The following KIF26A variants were observed in gnomAD, a reference collection of about 807,000 sequenced individuals.
The protein encoded by KIF26A is kinesin-like protein KIF26A.
Under a neutral mutation model 126.0 loss-of-function variants are expected in KIF26A, and 74 were observed. The observed-to-expected ratio is 0.59, with a 90% CI of 0.49 to 0.71. KIF26A has a LOEUF of 0.71. Ranked by LOEUF, KIF26A falls within the 30% of genes least tolerant of loss-of-function variation. The pLI is 0.00. For missense variants in KIF26A, 2,984 were observed against 2,763.3 expected (o/e 1.08, Z -1.79); for synonymous variants, 1,445 against 1,232.7 (o/e 1.17, Z -3.61).
At chr14:104,177,982 A>G in intron 12 of KIF26A, 84 bp downstream of exon 12, 1 of 1,353,292 alleles carries the variant, frequency 7.4e-7, no homozygotes, top group Non-Finnish European at 9.6e-7. Context: ...TTACAGGGCC[A>G]GGAGATGCTG....
chr14:104,142,450 G>A (rs2037646144), intron 2 of KIF26A, among the ~76,000 whole-genome samples: 1 of 152,022 alleles, frequency 6.6e-6, no homozygotes, highest in Admixed American at 6.5e-5. Context: ...GCCTCCTGTG[G>A]CCTCCAGGGA....
chr14:104,167,394 C>T (rs2037917350), intron 5 of KIF26A, among the ~76,000 whole-genome samples: 1 of 152,088 alleles, frequency 6.6e-6, no homozygotes, highest in Non-Finnish European at 1.5e-5. Flanking sequence ...TGAGACGCAG[C>T]CCTGAGGGGG....
Position 104,178,732 on chromosome 14 carries a change from AC to A in KIF26A, c.5297del (p.Pro1766ArgfsTer47). On this transcript the variant is annotated frameshift_variant, in exon 13 of 15. Coordinates refer to ENST00000423312, the MANE Select transcript of KIF26A (RefSeq NM_015656.2). LOFTEE classifies it high-confidence loss of function. The stretch of plus-strand genomic sequence containing the variant: ...GGAGCGCCTTCAGCGGCCCCGCCCC[AC>A]CCCGAGGGAGGCCCCCACCCAGGTA... ...DVERLQRPRP[T>X]PREAPTQGLA... The A allele has an allele frequency of 6.5e-7, 1 of 1,543,464 alleles. No individual in the cohort carries two copies. The highest frequency in any genetic ancestry group is 8.8e-7 in the Non-Finnish European group (1 of 1,141,194).
chr14:104,179,457 G>T lies in KIF26A; in HGVS notation c.5467+71G>T, dbSNP rs893961571. 6.9e-6 allele frequency: 10 copies of T among 1,441,000 alleles called. No homozygotes were observed. In the African/African-American group the frequency reaches 1.3e-4, roughly 19 times the overall value. 89.3% of individuals were successfully genotyped at this position (1,441,000 alleles called of 1,614,324 possible). ...CTGACAGCTGCCCTCCCCTCCCAGA[G>T]CCCTGTTGCTCTCCTGTACCTCGTG... On this transcript the variant is annotated intron_variant, in intron 14 of 14. Transcript: ENST00000423312.
chr14:104,175,790 G>A lies in KIF26A; in HGVS notation c.3002G>A (p.Arg1001His), dbSNP rs1040626278. Reference sequence around the variant, plus strand: ...ATGCTTCCTGGGGCCACCTGCCCCCGCCTGGCTGCTGGCAGTCGCTGTCCG... The same window carrying A: ...ATGCTTCCTGGGGCCACCTGCCCCCACCTGGCTGCTGGCAGTCGCTGTCCG... ...SPMLPGATCP[R>H]LAAGSRCPER... is the part of the protein sequence containing the mutation. Residue 1001 changes from arginine to histidine, a missense_variant, in exon 12 of 15, where the codon CGC becomes CAC. Arg to His is a conservative substitution (Grantham distance 29, BLOSUM62 0). Coordinates refer to ENST00000423312, the MANE Select transcript of KIF26A (RefSeq NM_015656.2). The A allele has an allele frequency of 1.9e-6, 3 of 1,539,356 alleles. No homozygotes were observed. Among genetic ancestry groups the A allele is most frequent in the African/African-American group, 2.7e-5 (2 of 73,070 alleles).
chr14:104,176,645 G>T lies in KIF26A; in HGVS notation c.3857G>T (p.Gly1286Val). 6.2e-7 allele frequency: 1 copy of T among 1,602,846 alleles called. No homozygotes were observed. Among genetic ancestry groups the T allele is most frequent in the Non-Finnish European group, 8.5e-7 (1 of 1,174,620 alleles). The change falls in exon 12 of 15, where the codon GGG becomes GTG. Residue 1286 changes from glycine (G) to valine (V), a missense_variant. Transcript: ENST00000423312. The part of the protein sequence containing the change: ...MLACAQRVVD[G>V]CEVAARAARR... ...GCCTGTGCCCAGAGAGTGGTGGACG[G>T]GTGTGAGGTGGCAGCCAGGGCGGCC...
intron 2 of KIF26A, among the ~76,000 whole-genome samples, chr14:104,140,296 G>A (rs551784907): frequency 6.6e-6 from 1 of 152,224 alleles, no homozygotes; most frequent in African/African-American, 2.4e-5. Flanking sequence ...CAGGCCAGGC[G>A]CCTGTGGGCC....
intron 2 of KIF26A, among the ~76,000 whole-genome samples, chr14:104,147,519 C>T (rs1462879201): frequency 6.6e-6 from 1 of 152,100 alleles, no homozygotes; most frequent in Non-Finnish European, 1.5e-5. Context: ...GGGTCTGGGC[C>T]TTTGGAGAGG....
intron 14 of KIF26A, 32 bp from the exon 15 acceptor site, chr14:104,179,577 C>T (rs1167056225): frequency 6.8e-7 from 1 of 1,481,290 alleles, no homozygotes; most frequent in Admixed American, 2.3e-5. Context: ...GGGCCTGACG[C>T]AGGTGCCCCT....
chr14:104,170,471 T>C (rs76826589), intron 5 of KIF26A, among the ~76,000 whole-genome samples: 6,630 of 152,334 alleles, frequency 0.044, 187 homozygotes, highest in Non-Finnish European at 0.063. Flanking sequence ...GAACTACCCA[T>C]GGTAAACCAA....
At chr14:104,156,714 C>T (rs532062173) in intron 3 of KIF26A, among the ~76,000 whole-genome samples, 23 of 152,294 alleles carry the variant, frequency 1.5e-4, no homozygotes, top group East Asian at 9.6e-4. Flanking sequence ...TCCTGGGTCC[C>T]GGGGCGGCTT....
chr14:104,174,826 G>A (rs889590430), intron 11 of KIF26A, among the ~76,000 whole-genome samples, 156 bp from the exon 12 acceptor site: 1 of 152,238 alleles, frequency 6.6e-6, no homozygotes, highest in African/African-American at 2.4e-5. Context: ...CTGAGACTCA[G>A]TTCCGCTCCC....
rs868360053 is a variant in KIF26A at position 104,139,251 on chromosome 14, C to A, written c.251C>A (p.Ala84Glu). The part of the protein sequence containing the change: ...HTKLVELKRQ[A>E]WKLVSGPGTT... Reference sequence around the variant, plus strand: ...AAGCTGGTGGAGCTCAAGCGACAGGCGTGGAAGCTGGTCAGCGGGCCCGGG... The same window carrying A: ...AAGCTGGTGGAGCTCAAGCGACAGGAGTGGAAGCTGGTCAGCGGGCCCGGG... Residue 84 changes from alanine (A) to glutamate (E), a missense_variant, in exon 2 of 15, where the codon GCG becomes GAG. Coordinates refer to ENST00000423312, the MANE Select transcript of KIF26A (RefSeq NM_015656.2). The A allele has an allele frequency of 2.6e-6, 4 of 1,549,998 alleles. No homozygotes were observed. The highest frequency in any genetic ancestry group is 4.0e-5 in the Admixed American group (2 of 49,446).
Position 104,172,589 on chromosome 14 carries a change from G to C in KIF26A, c.1341G>C (p.Ser447=), listed in dbSNP as rs2275595. 4 of 1,612,842 alleles carry C rather than the reference G, an allele frequency of 2.5e-6. No individual in the cohort carries two copies. In the South Asian group the frequency reaches 4.4e-5, roughly 18 times the overall value. The change falls in exon 7 of 15, where the codon TCG becomes TCC. Residue 447 remains serine (S), a synonymous_variant. Coordinates refer to ENST00000423312, the MANE Select transcript of KIF26A (RefSeq NM_015656.2). ...PQDSEQAEVC[S]GTVADVLQSV... is the part of the protein sequence containing the mutation. ...TGCCCCCCTAGGCCGAAGTCTGCTC[G>C]GGGACCGTGGCCGACGTGCTCCAGT...
rs941000279 is a variant in KIF26A at position 104,148,747 on chromosome 14, G to A, written c.289-3268G>A. 2.0e-5 allele frequency among the ~76,000 whole-genome samples: 3 copies of A among 152,130 alleles called. No individual in the cohort carries two copies. The highest frequency in any genetic ancestry group is 4.8e-5 in the African/African-American group (2 of 41,414). Reference sequence around the variant, plus strand: ...GGGCTGCGTCTGGGGTCTGCTGTGCGGGGAGCAGTCAGTGGTGTGGGAGAC... The same window carrying A: ...GGGCTGCGTCTGGGGTCTGCTGTGCAGGGAGCAGTCAGTGGTGTGGGAGAC... On this transcript the variant is annotated intron_variant, in intron 2 of 14. Transcript: ENST00000423312. The surrounding 1 kb of genome is among the most constrained non-coding windows in gnomAD (Gnocchi z 4.3).
At chr14:104,178,386 C>A (rs533317773) in intron 12 of KIF26A, among the ~76,000 whole-genome samples, 164 bp from the exon 13 acceptor site, 1 of 152,180 alleles carries the variant, frequency 6.6e-6, no homozygotes, top group East Asian at 1.9e-4. Context: ...GGCTTGGGGT[C>A]GGCTTCCTCC....
Position 104,148,875 on chromosome 14 carries a change from C to T in KIF26A, c.289-3140C>T, listed in dbSNP as rs779705263. 1.4e-4 allele frequency among the ~76,000 whole-genome samples: 22 copies of T among 152,174 alleles called. No individual in the cohort carries two copies. Among genetic ancestry groups the T allele is most frequent in the South Asian group, 2.1e-4 (1 of 4,826 alleles). On this transcript the variant is annotated intron_variant, in intron 2 of 14. Coordinates refer to ENST00000423312, the MANE Select transcript of KIF26A (RefSeq NM_015656.2). This position sits in a 1 kb window ranked among gnomAD's most constrained non-coding sequence, Gnocchi z 4.3. ...TCCCTGGAGCCCTGAGTGCTGGTCCCGTGTGCTGAGTGGGGTGCCGAGTTC... is the reference window on the plus strand; with the variant it reads ...TCCCTGGAGCCCTGAGTGCTGGTCCTGTGTGCTGAGTGGGGTGCCGAGTTC...
chr14:104,174,125 A>G (rs770250199), intron 10 of KIF26A, 23 bp from the exon 11 acceptor site: 18 of 1,531,740 alleles, frequency 1.2e-5, no homozygotes, highest in Non-Finnish European at 1.5e-5. Context: ...AGGCCTTGGC[A>G]TCTGAACCGC....
At chr14:104,164,072 G>A (rs56390601) in intron 4 of KIF26A, among the ~76,000 whole-genome samples, 75,559 of 151,960 alleles carry the variant, frequency 0.5, 19,088 homozygotes, top group African/African-American at 0.59. Flanking sequence ...GAGGAAAGCC[G>A]TCCCTGGGGT....
Sources: gnomAD v4.1 joint callset for allele counts (sites outside exome capture counted in the v4.1 genomes callset) on GRCh38, gnomAD v4.1.1 for gene constraint, Gnocchi (gnomAD v3.1) non-coding constraint, MANE v1.5 for transcripts, NCBI Gene and HGNC (gene_info 2026-07-23, HGNC 2026-07-21) for gene names.